THRB: variants seen among roughly 807,000 people sequenced by gnomAD.
The protein encoded by THRB is nuclear receptor subfamily 1 group A member 2.
THRB carries 12 observed loss-of-function variants against 47.8 expected under a neutral mutation model. The observed-to-expected ratio is 0.25, with a 90% CI of 0.16 to 0.41. THRB has a LOEUF of 0.41. Ranked by LOEUF, THRB falls within the 10% of genes least tolerant of loss-of-function variation. THRB has a pLI of 1.00. For missense variants in THRB, 348 were observed against 589.2 expected (o/e 0.59, Z 4.24); for synonymous variants, 218 against 212.2 (o/e 1.03, Z -0.24).
chr3:24,345,879 T>A (rs530184884), intron 1 of THRB, among the ~76,000 whole-genome samples: 2 of 152,230 alleles, frequency 1.3e-5, no homozygotes, highest in South Asian at 4.1e-4. Flanking sequence ...ATGTCATAAT[T>A]TATCAAATTG....
intron 4 of THRB, among the ~76,000 whole-genome samples, chr3:24,200,898 A>G (rs189026251): frequency 2.0e-5 from 3 of 152,300 alleles, no homozygotes; most frequent in Non-Finnish European, 4.4e-5. Context: ...AATACTTTTA[A>G]ATACACCAAA....
intron 1 of THRB, among the ~76,000 whole-genome samples, chr3:24,456,819 A>G (rs1358534345): frequency 1.3e-5 from 2 of 152,012 alleles, no homozygotes; most frequent in Non-Finnish European, 2.9e-5. Context: ...TCAGAGTTTC[A>G]TTGTACCATT....
At chr3:24,315,235 G>T (rs191008457) in intron 2 of THRB, among the ~76,000 whole-genome samples, 4 of 152,246 alleles carry the variant, frequency 2.6e-5, no homozygotes, top group Admixed American at 2.0e-4. Context: ...AGCATCACGG[G>T]GGTGGTTTGA....
intron 4 of THRB, among the ~76,000 whole-genome samples, chr3:24,213,738 A>G (rs1052438854): frequency 3.3e-5 from 5 of 152,216 alleles, no homozygotes; most frequent in African/African-American, 1.2e-4. Context: ...GTGCGACTAG[A>G]AGACTCATTT....
chr3:24,272,217 G>C (rs1022406032), intron 3 of THRB, among the ~76,000 whole-genome samples: 2 of 151,978 alleles, frequency 1.3e-5, no homozygotes, highest in Non-Finnish European at 2.9e-5. Flanking sequence ...GTGGTGGCCC[G>C]CACTTGTGGT....
At chr3:24,436,182 G>A (rs2125337613) in intron 1 of THRB, among the ~76,000 whole-genome samples, 1 of 152,012 alleles carries the variant, frequency 6.6e-6, no homozygotes, top group Middle Eastern at 3.4e-3. Flanking sequence ...TCTCATGGTA[G>A]GGAATACCTA....
At chr3:24,321,033 G>A (rs2058450586) in intron 2 of THRB, among the ~76,000 whole-genome samples, 1 of 152,186 alleles carries the variant, frequency 6.6e-6, no homozygotes, top group African/African-American at 2.4e-5. Flanking sequence ...AGAGGACAGA[G>A]TTTCAGGTGT....
chr3:24,471,788 T>G (rs721216), intron 1 of THRB, among the ~76,000 whole-genome samples: 4,564 of 152,314 alleles, frequency 0.03, 95 homozygotes, highest in South Asian at 0.057. Flanking sequence ...ACTATCAGCC[T>G]GCATATCTCC....
Position 24,212,387 on chromosome 3 carries a change from G to C in THRB, c.22+16551C>G, listed in dbSNP as rs533574162. Among the ~76,000 whole-genome samples the C allele has an allele frequency of 4.3e-3, 655 of 151,758 alleles. 3 individuals carry two copies. The highest frequency in any genetic ancestry group is 7.6e-3 in the Non-Finnish European group (515 of 67,902). ...CACTCCAGCCTGGGTGACAGAGCTA[G>C]ACTCCGTCTCAAAACAACAAAATAA... On this transcript the variant is annotated intron_variant, in intron 4 of 10. Coordinates refer to ENST00000646209, the MANE Select transcript of THRB (RefSeq NM_001354712.2).
At chr3:24,481,115 G>A (rs1421906698) in intron 1 of THRB, among the ~76,000 whole-genome samples, 2 of 151,858 alleles carry the variant, frequency 1.3e-5, no homozygotes, top group East Asian at 3.9e-4. Flanking sequence ...ATTTTTGCTA[G>A]GTTTCATCTT....
intron 5 of THRB, among the ~76,000 whole-genome samples, chr3:24,168,740 A>G (rs1055160186): frequency 2.6e-5 from 4 of 151,656 alleles, no homozygotes; most frequent in African/African-American, 9.7e-5. Flanking sequence ...CTTAGTTCTT[A>G]GCAATTTACC....
At chr3:24,259,691 A>G (rs2051740680) in intron 3 of THRB, among the ~76,000 whole-genome samples, 2 of 146,074 alleles carry the variant, frequency 1.4e-5, no homozygotes, top group African/African-American at 5.1e-5. Context: ...ATCAGAGACT[A>G]GAAGTTTGTT....
At chr3:24,156,184 G>A (rs1483745510) in intron 5 of THRB, among the ~76,000 whole-genome samples, 1 of 152,216 alleles carries the variant, frequency 6.6e-6, no homozygotes, top group East Asian at 1.9e-4. Context: ...TCATGTAGAA[G>A]GGGAAAGTTT....
chr3:24,443,024 A>G (rs922978471), intron 1 of THRB, among the ~76,000 whole-genome samples: 2 of 151,526 alleles, frequency 1.3e-5, no homozygotes, highest in African/African-American at 4.9e-5. Flanking sequence ...TGTACTAAAA[A>G]TACAAAAATT....
intron 3 of THRB, among the ~76,000 whole-genome samples, chr3:24,291,626 A>C (rs1457205703): frequency 6.6e-6 from 1 of 152,256 alleles, no homozygotes; most frequent in Non-Finnish European, 1.5e-5. Flanking sequence ...AATAACAATA[A>C]GAAAAAAGGT....
Position 24,384,390 on chromosome 3 carries a change from T to C in THRB, c.-260-47019A>G, listed in dbSNP as rs562908309. ...ATACTGTTACAACTTTAAGAACTTC[T>C]GGAGACGAAGATGAGCCATGAAGTG... On this transcript the variant is annotated intron_variant, in intron 1 of 10. Coordinates refer to ENST00000646209, the MANE Select transcript of THRB (RefSeq NM_001354712.2). Among the ~76,000 whole-genome samples the C allele has an allele frequency of 2.2e-4, 33 of 152,260 alleles. No homozygotes were observed. In the East Asian group the frequency reaches 5.0e-3, roughly 23 times the overall value.
intron 1 of THRB, among the ~76,000 whole-genome samples, chr3:24,360,540 T>C (rs895246065): frequency 6.6e-6 from 1 of 152,206 alleles, no homozygotes; most frequent in African/African-American, 2.4e-5. Context: ...AACTGCTTTT[T>C]ACCGATACAT....
chr3:24,365,831 C>T (rs993880732), intron 1 of THRB, among the ~76,000 whole-genome samples: 4 of 152,100 alleles, frequency 2.6e-5, no homozygotes, highest in African/African-American at 9.7e-5. Flanking sequence ...CTTCTAGAAG[C>T]TCATGAGGAA....
chr3:24,487,123 G>C (rs1697417514), intron 1 of THRB, among the ~76,000 whole-genome samples: 1 of 152,000 alleles, frequency 6.6e-6, no homozygotes, highest in African/African-American at 2.4e-5. Context: ...GGCAGCATTA[G>C]CCAGTGTTGT....
Sources: gnomAD v4.1 joint callset for allele counts (sites outside exome capture counted in the v4.1 genomes callset) on GRCh38, gnomAD v4.1.1 for gene constraint, MANE v1.5 for transcripts, NCBI Gene and HGNC (gene_info 2026-07-23, HGNC 2026-07-21) for gene names.